TPCN1: variants seen among roughly 807,000 people sequenced by gnomAD.
TPCN1 encodes the protein two pore segment channel 1, also known as two pore channel protein 1.
A neutral mutation model predicts 108.8 loss-of-function variants in TPCN1; 52 were observed. The ratio of observed to expected loss-of-function variants is 0.48; its 90% CI spans 0.38 to 0.60. The LOEUF (loss-of-function observed/expected upper bound fraction) is 0.60, where lower values mean the gene tolerates loss of function less well. Ranked by LOEUF, TPCN1 falls within the 20% of genes least tolerant of loss-of-function variation. The probability of loss-of-function intolerance (pLI) is 0.00; values close to 1 mark genes in which losing one functional copy is unlikely to be tolerated. For synonymous variants in TPCN1, 446 were observed against 433.7 expected, an observed-to-expected ratio of 1.03 and a Z score of -0.35; for missense variants, 806 against 1,072.8, an observed-to-expected ratio of 0.75 and a Z score of 3.47.
At chr12:113,250,934 C>G (rs1160977249) in intron 2 of TPCN1, among the ~76,000 whole-genome samples, 1 of 151,416 alleles carries the variant, frequency 6.6e-6, no homozygotes, top group East Asian at 1.9e-4. Flanking sequence ...CTGCTGTACT[C>G]CAGCCTGGGC....
At position 113,260,453 on chromosome 12, in the gene TPCN1, C is replaced by T. The variant is rs768552078; in HGVS notation, c.198C>T (p.Asn66=). The T allele has an allele frequency of 1.3e-6, 2 of 1,571,118 alleles. No homozygotes were observed. Among genetic ancestry groups the T allele is most frequent in the South Asian group, 2.3e-5 (2 of 85,150 alleles). Residue 66 remains asparagine (N), a synonymous_variant, in exon 3 of 28, where the codon AAC becomes AAT. Coordinates refer to ENST00000335509, the MANE Select transcript of TPCN1 (RefSeq NM_017901.6). ...GTTCCCCCTCCAGCCCCGCACACAA[C>T]TGGGAGATGAATTACCAAGAGGCAG... ...GESSPSSPAH[N]WEMNYQEAAI...
chr12:113,263,205 T>TA (rs1027979341), intron 3 of TPCN1, among the ~76,000 whole-genome samples: 4 of 152,294 alleles, frequency 2.6e-5, no homozygotes, highest in Admixed American at 6.5e-5. Flanking sequence ...GCATTATTTT[T>TA]AAAAAAATTA....
Position 113,266,457 on chromosome 12 carries a change from A to C in TPCN1, c.414+101A>C. 1.4e-6 allele frequency: 2 copies of C among 1,465,514 alleles called. No homozygotes were observed. The highest frequency in any genetic ancestry group is 1.9e-6 in the Non-Finnish European group (2 of 1,079,280). The allele number at this position is 1,465,514 out of a possible 1,614,324, so 90.8% of individuals were successfully genotyped here. A position where few individuals can be genotyped will look rare whatever the true frequency, so the allele number is the denominator to read the frequency against. On this transcript the variant is annotated intron_variant, in intron 4 of 27. Coordinates refer to ENST00000335509, the MANE Select transcript of TPCN1 (RefSeq NM_017901.6). This position sits in a 1 kb window ranked among gnomAD's most constrained non-coding sequence, Gnocchi z 4.2. Reference sequence around the variant, plus strand: ...ACATTCTGGGAGGGCAAACACTGCAAACGGACTTAAAACAGAGAGATACGA... The same window carrying C: ...ACATTCTGGGAGGGCAAACACTGCACACGGACTTAAAACAGAGAGATACGA...
At position 113,263,608 on chromosome 12, in the gene TPCN1, A is replaced by C. The variant is rs973610248; in HGVS notation, c.238-2572A>C. On this transcript the variant is annotated intron_variant, in intron 3 of 27. Transcript: ENST00000335509. ...CTTGCAGCCAAGCTGCGGGTCCTGC[A>C]GTGAGCCAGGTTGCTGGTGTGCATG... Among the ~76,000 whole-genome samples the C allele has an allele frequency of 5.3e-5, 8 of 152,238 alleles. 1 individual carries two copies. Among genetic ancestry groups the C allele is most frequent in the Admixed American group, 3.9e-4 (6 of 15,284 alleles).
intron 15 of TPCN1, among the ~76,000 whole-genome samples, chr12:113,283,359 G>T (rs1488424719): frequency 2.0e-5 from 3 of 152,160 alleles, no homozygotes; most frequent in Non-Finnish European, 4.4e-5. Flanking sequence ...ATGAGGCTGG[G>T]TGTGGTGGCT....
intron 2 of TPCN1, among the ~76,000 whole-genome samples, chr12:113,233,026 CG>C (rs1953746903): frequency 6.6e-6 from 1 of 152,184 alleles, no homozygotes; most frequent in South Asian, 2.1e-4. Flanking sequence ...GGCAGAGCGT[CG>C]GGTGTCACCA....
chr12:113,291,552 G>A, intron 23 of TPCN1, 57 bp from the exon 24 acceptor site: 1 of 1,499,176 alleles, frequency 6.7e-7, no homozygotes, highest in South Asian at 1.2e-5. Flanking sequence ...AGCCTGTGTA[G>A]ACGGGGACCT....
chr12:113,288,459 T>C lies in TPCN1; in HGVS notation c.1706+225T>C, dbSNP rs1292072601. On this transcript the variant is annotated intron_variant, in intron 20 of 27. Transcript: ENST00000335509. This position sits in a 1 kb window ranked among gnomAD's most constrained non-coding sequence, Gnocchi z 4.8. ...ATATTTAGTAGGGAGGGCAGGGAGCTGTCAACTCGCTTACCACCTGTGTCT... is the reference window on the plus strand; with the variant it reads ...ATATTTAGTAGGGAGGGCAGGGAGCCGTCAACTCGCTTACCACCTGTGTCT... 19 of 1,495,316 alleles carry C rather than the reference T, an allele frequency of 1.3e-5. No homozygotes were observed. Among genetic ancestry groups the C allele is most frequent in the Non-Finnish European group, 1.7e-5 (19 of 1,123,752 alleles). The allele number at this position is 1,495,316 out of a possible 1,614,324, so 92.6% of individuals were successfully genotyped here.
chr12:113,291,298 C>T (rs969048090), intron 23 of TPCN1, among the ~76,000 whole-genome samples: 6 of 152,228 alleles, frequency 3.9e-5, no homozygotes, highest in Non-Finnish European at 7.3e-5. Flanking sequence ...TGACTTTTCC[C>T]TCTAGTGACA....
intron 22 of TPCN1, 46 bp downstream of exon 22, chr12:113,290,289 C>T (rs1956224165): frequency 8.2e-7 from 1 of 1,224,406 alleles, no homozygotes; most frequent in Admixed American, 2.0e-5. Context: ...GGGACCCCAC[C>T]CTTGTCACCC....
At chr12:113,226,424 G>A (rs1337980993) in intron 1 of TPCN1, among the ~76,000 whole-genome samples, 1 of 152,054 alleles carries the variant, frequency 6.6e-6, no homozygotes, top group African/African-American at 2.4e-5. Context: ...GGGATTACAG[G>A]CACCTACCAC....
intron 7 of TPCN1, among the ~76,000 whole-genome samples, chr12:113,271,234 G>T (rs898267789): frequency 6.6e-6 from 1 of 152,128 alleles, no homozygotes; most frequent in African/African-American, 2.4e-5. Flanking sequence ...CTGTGACAGC[G>T]CAACTGCATT....
In TPCN1 at chr12:113,296,086, C is replaced by G; in HGVS notation, c.*10C>G. The G allele has an allele frequency of 6.2e-7, 1 of 1,612,060 alleles. No homozygotes were observed. Among genetic ancestry groups the G allele is most frequent in the Non-Finnish European group, 8.5e-7 (1 of 1,178,870 alleles). ...CCAGACCGTTACCTAGCCCAGCGCC[C>G]GAAAGCCGTCTCTTCTATGCAATAA... On this transcript the variant is annotated 3_prime_UTR_variant, in exon 28 of 28. Transcript: ENST00000335509.
In TPCN1 at chr12:113,285,902, G is replaced by A. The variant is rs1288706064; in HGVS notation, c.1467G>A (p.Glu489=). The change falls in exon 18 of 28, where the codon GAG becomes GAA. Residue 489 remains glutamate, a synonymous_variant. Coordinates refer to ENST00000335509, the MANE Select transcript of TPCN1 (RefSeq NM_017901.6). The stretch of plus-strand genomic sequence containing the variant: ...TTCTGTCCACAGTCTATGGGGTGGA[G>A]CTGTTCCTGAAGGTTGCCGGCCTGG... ...YLVFLTIYGV[E]LFLKVAGLGP... The A allele has an allele frequency of 2.8e-5, 45 of 1,614,070 alleles. No individual in the cohort carries two copies. The highest frequency in any genetic ancestry group is 3.5e-5 in the Non-Finnish European group (41 of 1,180,008).
At position 113,266,363 on chromosome 12, in the gene TPCN1, G is replaced by A. The variant is rs373824983; in HGVS notation, c.414+7G>A. On this transcript the variant is annotated splice_region_variant and intron_variant, in intron 4 of 27. Coordinates refer to ENST00000335509, the MANE Select transcript of TPCN1 (RefSeq NM_017901.6). The surrounding 1 kb of genome is among the most constrained non-coding windows in gnomAD (Gnocchi z 4.2). ...ACTCCGGCTTGGCATCTATGTGAGC[G>A]CACATGCTCCTCATACGGGGGGCTG... is the stretch of plus-strand genomic sequence containing the variant. The A allele has an allele frequency of 4.3e-5, 69 of 1,604,120 alleles. No individual in the cohort carries two copies. The highest frequency in any genetic ancestry group is 3.9e-4 in the African/African-American group (29 of 75,040).
chr12:113,279,700 G>A (rs767783708), intron 14 of TPCN1, among the ~76,000 whole-genome samples: 1 of 151,952 alleles, frequency 6.6e-6, no homozygotes, highest in Non-Finnish European at 1.5e-5. Context: ...CACTGCGCCC[G>A]ACCCCGATAA....
At position 113,272,550 on chromosome 12, in the gene TPCN1, T is replaced by C; in HGVS notation, c.749-108T>C. ...TGGTCCCCAGCAGTCCCTGCTGCTC[T>C]TCCTGACCTGCTGCGTTCATTTGCA... is the stretch of plus-strand genomic sequence containing the variant. On this transcript the variant is annotated intron_variant, in intron 7 of 27. Transcript: ENST00000335509. This position sits in a 1 kb window ranked among gnomAD's most constrained non-coding sequence, Gnocchi z 4.1. 1 of 1,041,260 alleles carries C rather than the reference T, an allele frequency of 9.6e-7. No homozygotes were observed. The highest frequency in any genetic ancestry group is 1.7e-5 in the Admixed American group (1 of 58,828). The allele number at this position is 1,041,260 out of a possible 1,614,324, so 64.5% of individuals were successfully genotyped here.
At chr12:113,267,779 G>T in intron 4 of TPCN1, 64 bp from the exon 5 acceptor site, 1 of 1,133,386 alleles carries the variant, frequency 8.8e-7, no homozygotes, top group Non-Finnish European at 1.3e-6. Context: ...TGGGAGGGTT[G>T]GGCAAAGAGG....
At chr12:113,249,678 A>G (rs1392783954) in intron 2 of TPCN1, 1 of 152,270 alleles carries the variant, frequency 6.6e-6, no homozygotes, top group Admixed American at 6.5e-5. Context: ...AAACACAACA[A>G]AAACGAAGTA....
Sources: gnomAD v4.1 joint callset for allele counts (sites outside exome capture counted in the v4.1 genomes callset) on GRCh38, gnomAD v4.1.1 for gene constraint, Gnocchi (gnomAD v3.1) non-coding constraint, MANE v1.5 for transcripts, NCBI Gene and HGNC (gene_info 2026-07-23, HGNC 2026-07-21) for gene names.